Variants in LRRC7 observed in about 807,000 individuals in gnomAD.
LRRC7 encodes leucine-rich repeat-containing protein 7.
LRRC7 carries 23 observed loss-of-function variants against 175.7 expected under a neutral mutation model. That is an observed-to-expected ratio of 0.13 (90% CI 0.09 to 0.19). The LOEUF is 0.19. LRRC7 is among the 10% of genes least tolerant of loss of function. The probability of loss-of-function intolerance (pLI) is 1.00; values close to 1 mark genes in which losing one functional copy is unlikely to be tolerated. For missense variants in LRRC7, 1,354 were observed against 1,904.7 expected (o/e 0.71, Z 5.38); for synonymous variants, 685 against 680.9 (o/e 1.01, Z -0.09).
rs1465636903 is a variant in LRRC7, at chr1:70,125,252, T to C, written c.*3365T>C. On this transcript the variant is annotated 3_prime_UTR_variant, in exon 27 of 27. Transcript: ENST00000651989. The stretch of plus-strand genomic sequence containing the variant: ...TAGGTTGCTGAAAAAGTAATTGCGG[T>C]TTTTACCATTAAAAGTGCAGGCAAA... Among the ~76,000 whole-genome samples the C allele has an allele frequency of 6.6e-6, 1 of 152,146 alleles. No individual in the cohort carries two copies. The highest frequency in any genetic ancestry group is 1.9e-4 in the East Asian group (1 of 5,190).
intron 1 of LRRC7, among the ~76,000 whole-genome samples, chr1:69,642,624 G>T (rs1319409993): frequency 6.6e-6 from 1 of 151,886 alleles, no homozygotes; most frequent in Non-Finnish European, 1.5e-5. Context: ...TCTCAAAATA[G>T]CCAGTGCAAC....
Position 70,036,529 on chromosome 1 carries a change from C to T in LRRC7, c.2193C>T (p.Ser731=), listed in dbSNP as rs764453240. The T allele has an allele frequency of 2.5e-6, 4 of 1,614,086 alleles. No homozygotes were observed. Among genetic ancestry groups the T allele is most frequent in the Non-Finnish European group, 3.4e-6 (4 of 1,179,970 alleles). The part of the protein sequence containing the change: ...SSGTYSDYSP[S]QASSGSSNTR... ...GCACTTACTCAGACTACTCGCCTTC[C>T]CAGGCTTCCTCAGGATCCTCTAATA... Residue 731 remains serine (S), a synonymous_variant, in exon 20 of 27, where the codon TCC becomes TCT. Coordinates refer to ENST00000651989, the MANE Select transcript of LRRC7 (RefSeq NM_001370785.2).
chr1:70,133,450 G>C lies in LRRC7; in HGVS notation c.*11563G>C, dbSNP rs985917097. Among the ~76,000 whole-genome samples the C allele has an allele frequency of 3.9e-5, 6 of 151,950 alleles. No individual in the cohort carries two copies. The East Asian group carries it at 1.2e-3, about 29-fold the overall frequency. On this transcript the variant is annotated 3_prime_UTR_variant, in exon 27 of 27. Coordinates refer to ENST00000651989, the MANE Select transcript of LRRC7 (RefSeq NM_001370785.2). ...TGCCCAGGCTGGTCTTGAACACCTG[G>C]GCTCTATCGATCCGACCGCCTCGGC...
At chr1:69,868,816 C>T (rs890322789) in intron 7 of LRRC7, among the ~76,000 whole-genome samples, 89 of 152,010 alleles carry the variant, frequency 5.9e-4, no homozygotes, top group African/African-American at 2.1e-3. Context: ...CTTCTGAAGG[C>T]GCTCTCCTTG....
intron 11 of LRRC7, among the ~76,000 whole-genome samples, chr1:70,003,697 T>G (rs991821520): frequency 1.1e-4 from 17 of 152,148 alleles, no homozygotes; most frequent in Admixed American, 1.1e-3. Context: ...CTCCTCCACT[T>G]CCTTCCCCAG....
chr1:69,636,424 G>C (rs1175850294), intron 1 of LRRC7, among the ~76,000 whole-genome samples: 2 of 150,596 alleles, frequency 1.3e-5, no homozygotes, highest in Admixed American at 6.6e-5. Context: ...TCCAGGCACA[G>C]ACACACACAC....
chr1:69,588,985 CTGTGTGTGTGTGTGTGTGTGTG>C (rs138325158), intron 1 of LRRC7, among the ~76,000 whole-genome samples: 1 of 131,070 alleles, frequency 7.6e-6, no homozygotes, highest in African/African-American at 2.7e-5. Flanking sequence ...CTGCTGGGGT[CTGTGTGTGTGTGTGTGTGTGTG>C]TGCGTGCATG....
intron 4 of LRRC7, among the ~76,000 whole-genome samples, chr1:69,793,389 A>G (rs1342961077): frequency 6.6e-6 from 1 of 152,078 alleles, no homozygotes; most frequent in Non-Finnish European, 1.5e-5. Context: ...TCAGAAAAAT[A>G]TCTTGGTCAC....
intron 3 of LRRC7, among the ~76,000 whole-genome samples, chr1:69,763,631 A>T (rs1671283273): frequency 6.6e-6 from 1 of 152,070 alleles, no homozygotes; most frequent in Admixed American, 6.6e-5. Flanking sequence ...AGAGATAACC[A>T]TAATGTGCAC....
chr1:69,672,521 A>G (rs754206599), intron 1 of LRRC7, among the ~76,000 whole-genome samples: 4 of 152,206 alleles, frequency 2.6e-5, no homozygotes, highest in Non-Finnish European at 5.9e-5. Context: ...TAGGTTAACC[A>G]TGGATAAAAT....
chr1:70,128,155 T>A lies in LRRC7; in HGVS notation c.*6268T>A, dbSNP rs1309088720. On this transcript the variant is annotated 3_prime_UTR_variant, in exon 27 of 27. Coordinates refer to ENST00000651989, the MANE Select transcript of LRRC7 (RefSeq NM_001370785.2). ...TTTTGTATTTTTAGTAGGGACAGGG[T>A]TTCACCGTGTTGGCCAGGCTGGTCT... Among the ~76,000 whole-genome samples, 1 of 152,024 alleles carries A rather than the reference T, an allele frequency of 6.6e-6. No homozygotes were observed. Among genetic ancestry groups the A allele is most frequent in the Non-Finnish European group, 1.5e-5 (1 of 67,994 alleles).
At chr1:69,700,077 T>A (rs759414924) in intron 2 of LRRC7, among the ~76,000 whole-genome samples, 1 of 152,188 alleles carries the variant, frequency 6.6e-6, no homozygotes, top group Non-Finnish European at 1.5e-5. Context: ...TTCAACATTC[T>A]GATCCCTCTT....
intron 1 of LRRC7, among the ~76,000 whole-genome samples, chr1:69,669,496 CT>C (rs1658748459): frequency 1.3e-5 from 2 of 152,098 alleles, no homozygotes; most frequent in Non-Finnish European, 2.9e-5. Flanking sequence ...CTTTTAGGAC[CT>C]TTTCTTTATC....
rs532085051 is a variant in LRRC7, at chr1:69,855,660, A to G, written c.647+17377A>G. On this transcript the variant is annotated intron_variant, in intron 7 of 26. Coordinates refer to ENST00000651989, the MANE Select transcript of LRRC7 (RefSeq NM_001370785.2). ...ATTAGGTCTGCTTGGTGCGGAGCTG[A>G]GTTCAATTCCTGGATATCCTTGTTA... 2.8e-3 allele frequency among the ~76,000 whole-genome samples: 425 copies of G among 152,130 alleles called. 1 individual carries two copies. Among genetic ancestry groups the G allele is most frequent in the African/African-American group, 9.7e-3 (403 of 41,508 alleles).
At chr1:70,058,820 A>G (rs1290806581) in intron 23 of LRRC7, among the ~76,000 whole-genome samples, 1 of 152,230 alleles carries the variant, frequency 6.6e-6, no homozygotes, top group Non-Finnish European at 1.5e-5. Flanking sequence ...AAAACATGTT[A>G]TTTTAAATTC....
chr1:69,661,817 G>A (rs139598595), intron 1 of LRRC7, among the ~76,000 whole-genome samples: 13 of 152,198 alleles, frequency 8.5e-5, no homozygotes, highest in African/African-American at 3.1e-4. Flanking sequence ...ATTTTGAAAA[G>A]AATGACATTT....
intron 18 of LRRC7, among the ~76,000 whole-genome samples, chr1:70,034,581 A>G (rs896485936): frequency 5.3e-5 from 8 of 152,092 alleles, no homozygotes; most frequent in African/African-American, 1.9e-4. Flanking sequence ...CTGATACCTC[A>G]TTTTAAGTTC....
intron 1 of LRRC7, among the ~76,000 whole-genome samples, chr1:69,637,167 G>A (rs577780996): frequency 4.0e-5 from 6 of 151,632 alleles, no homozygotes; most frequent in Non-Finnish European, 7.4e-5. Context: ...GATTCAGTGC[G>A]GGGATTTAGG....
intron 3 of LRRC7, among the ~76,000 whole-genome samples, chr1:69,779,410 T>C (rs1027882712): frequency 1.3e-5 from 2 of 152,220 alleles, no homozygotes; most frequent in Admixed American, 1.3e-4. Context: ...GTGGATATTA[T>C]TAGCTTGCTA....
Sources: allele counts gnomAD v4.1 joint callset (sites outside exome capture counted in the v4.1 genomes callset), GRCh38; gene constraint gnomAD v4.1.1; transcripts MANE v1.5; gene names NCBI Gene and HGNC (gene_info 2026-07-23, HGNC 2026-07-21).